Variants in ADAP2 observed in about 807,000 individuals in gnomAD.
The protein encoded by ADAP2 is arf-GAP with dual PH domain-containing protein 2.
In ADAP2, 42 loss-of-function variants were observed where a neutral mutation model predicts 54.9. That is an observed-to-expected ratio of 0.77 (90% CI 0.60 to 0.99). The LOEUF is 0.99. ADAP2 is among the 50% of genes least tolerant of loss of function. ADAP2 has a pLI of 0.00. For synonymous variants in ADAP2, 177 were observed against 180.1 expected, an observed-to-expected ratio of 0.98 and a Z score of 0.14; for missense variants, 429 against 480.4, an observed-to-expected ratio of 0.89 and a Z score of 1.00.
intron 9 of ADAP2, among the ~76,000 whole-genome samples, chr17:30,955,985 A>G (rs1362919592): frequency 6.6e-6 from 1 of 152,154 alleles, no homozygotes; most frequent in African/African-American, 2.4e-5. Context: ...GGCCTCAGGC[A>G]ATCCTCTGCC....
intron 7 of ADAP2, among the ~76,000 whole-genome samples, chr17:30,951,112 G>A (rs913808017): frequency 6.6e-6 from 1 of 152,168 alleles, no homozygotes; most frequent in African/African-American, 2.4e-5. Context: ...GCATCCCAGT[G>A]GGGTCTGTGG....
chr17:30,954,917 C>A, intron 9 of ADAP2, among the ~76,000 whole-genome samples: 1 of 152,094 alleles, frequency 6.6e-6, no homozygotes, highest in East Asian at 1.9e-4. Flanking sequence ...TGGTCTCAGC[C>A]CTGCCACTTG....
Position 30,921,974 on chromosome 17 carries a change from C to A in ADAP2, c.-41C>A, listed in dbSNP as rs748687969. 259 of 1,209,714 alleles carry A rather than the reference C, an allele frequency of 2.1e-4. 1 individual carries two copies. Among genetic ancestry groups the A allele is most frequent in the Non-Finnish European group, 1.7e-4 (167 of 970,126 alleles). 74.9% of individuals were successfully genotyped at this position (1,209,714 alleles called of 1,614,324 possible). A position where few individuals can be genotyped will look rare whatever the true frequency, so the allele number is the denominator to read the frequency against. ...CTCTCCACCTGCCGGGCGGAGCGCACGGGCCATGGGCTGAGCCCCGCTGAG... is the reference window on the plus strand; with the variant it reads ...CTCTCCACCTGCCGGGCGGAGCGCAAGGGCCATGGGCTGAGCCCCGCTGAG... On this transcript the variant is annotated 5_prime_UTR_variant, in exon 1 of 11. Coordinates refer to ENST00000330889, the MANE Select transcript of ADAP2 (RefSeq NM_018404.3).
intron 5 of ADAP2, among the ~76,000 whole-genome samples, chr17:30,934,885 T>G (rs1390854407): frequency 6.6e-6 from 1 of 151,330 alleles, no homozygotes; most frequent in East Asian, 2.0e-4. Context: ...AATACAAAAA[T>G]TAGCTGGGTC....
Position 30,956,450 on chromosome 17 carries a change from G to A in ADAP2, c.1092G>A (p.Leu364=), listed in dbSNP as rs1905080114. Residue 364 remains leucine (L), a synonymous_variant, in exon 10 of 11, where the codon TTG becomes TTA. Transcript: ENST00000330889. ...TGCGGGGTGTCCTGTCCAGCCCCTT[G>A]ACGCCCCTCAACCGGCTTAGTAAGA... ...ESLRGVLSSP[L]TPLNRLTAST... 1 of 1,614,090 alleles carries A rather than the reference G, an allele frequency of 6.2e-7. No individual in the cohort carries two copies. The highest frequency in any genetic ancestry group is 1.1e-5 in the South Asian group (1 of 91,088).
chr17:30,939,675 G>A (rs1325192259), intron 5 of ADAP2, among the ~76,000 whole-genome samples: 1 of 151,604 alleles, frequency 6.6e-6, no homozygotes, highest in Non-Finnish European at 1.5e-5. Context: ...GGAGGCTGAG[G>A]CAGGAGAATG....
chr17:30,943,977 GGTCAGGA>G (rs1310604879), intron 5 of ADAP2, among the ~76,000 whole-genome samples: 1 of 152,092 alleles, frequency 6.6e-6, no homozygotes, highest in African/African-American at 2.4e-5. Context: ...GATCACCTGA[GGTCAGGA>G]GTTTGAGACC....
At chr17:30,937,405 A>G (rs1911970664) in intron 5 of ADAP2, among the ~76,000 whole-genome samples, 2 of 151,872 alleles carry the variant, frequency 1.3e-5, no homozygotes, top group African/African-American at 4.8e-5. Flanking sequence ...TATTTTTAGT[A>G]GAGACAGGGT....
intron 3 of ADAP2, among the ~76,000 whole-genome samples, chr17:30,931,502 G>C (rs1911480014): frequency 6.6e-6 from 1 of 152,172 alleles, no homozygotes; most frequent in Non-Finnish European, 1.5e-5. Flanking sequence ...AGGCACTGCT[G>C]TGATGTTCCC....
At chr17:30,946,398 T>C (rs535115276) in intron 6 of ADAP2, among the ~76,000 whole-genome samples, 9 of 152,156 alleles carry the variant, frequency 5.9e-5, no homozygotes, top group Admixed American at 5.2e-4. Flanking sequence ...TTTGTATTTT[T>C]AGTAGACACA....
At chr17:30,954,225 C>T in intron 8 of ADAP2, 1 of 377,302 alleles carries the variant, frequency 2.7e-6, no homozygotes, top group Non-Finnish European at 4.9e-6. Flanking sequence ...GAAGGTGCCT[C>T]TTCCAAGTTG....
intron 1 of ADAP2, 63 bp downstream of exon 1, chr17:30,922,171 C>T (rs1910661424): frequency 3.5e-6 from 4 of 1,146,658 alleles, no homozygotes; most frequent in Non-Finnish European, 4.4e-6. Flanking sequence ...CACCCGACTC[C>T]TCCCCTCGGC....
chr17:30,942,190 C>T (rs180947411), intron 5 of ADAP2, among the ~76,000 whole-genome samples: 4 of 152,284 alleles, frequency 2.6e-5, no homozygotes, highest in African/African-American at 9.6e-5. Flanking sequence ...AGGTGTGAGC[C>T]ACAGTGCCCG....
intron 2 of ADAP2, among the ~76,000 whole-genome samples, chr17:30,924,785 G>A (rs933994540): frequency 6.6e-6 from 1 of 152,130 alleles, no homozygotes; most frequent in African/African-American, 2.4e-5. Context: ...GTGGGAGAAA[G>A]GCTGGAAACC....
At chr17:30,955,533 C>G (rs1304252920) in intron 9 of ADAP2, among the ~76,000 whole-genome samples, 2 of 151,848 alleles carry the variant, frequency 1.3e-5, no homozygotes, top group Admixed American at 1.3e-4. Flanking sequence ...ATGGTGAAAC[C>G]CTGTCTCTAC....
At chr17:30,932,114 A>G (rs1175068590) in intron 4 of ADAP2, 146 bp downstream of exon 4, 2 of 665,186 alleles carry the variant, frequency 3.0e-6, no homozygotes, top group Admixed American at 2.9e-5. Context: ...GGTTCTTCTG[A>G]CTTTGAAATA....
chr17:30,925,477 T>C (rs760452703), intron 2 of ADAP2, among the ~76,000 whole-genome samples: 35 of 151,810 alleles, frequency 2.3e-4, no homozygotes, highest in Non-Finnish European at 4.0e-4. Context: ...AGGTGTGAGC[T>C]ACAGCGCCCA....
At chr17:30,932,230 CTTT>C (rs769096794) in intron 4 of ADAP2, among the ~76,000 whole-genome samples, 5 of 118,904 alleles carry the variant, frequency 4.2e-5, no homozygotes, top group Non-Finnish European at 5.2e-5. Flanking sequence ...TGTACAGACT[CTTT>C]TTTTTTTTTT....
rs952256073 is a variant in ADAP2 at position 30,935,754 on chromosome 17, C to G, written c.510+1457C>G. Among the ~76,000 whole-genome samples the G allele has an allele frequency of 7.2e-5, 11 of 152,212 alleles. 1 individual carries two copies. Among genetic ancestry groups the G allele is most frequent in the Admixed American group, 7.2e-4 (11 of 15,280 alleles). Reference sequence around the variant, plus strand: ...AACGACTTAACCATAAGCTGCAACCCTGGCCCTGAGCTAGAAGTGTGTTTG... The same window carrying G: ...AACGACTTAACCATAAGCTGCAACCGTGGCCCTGAGCTAGAAGTGTGTTTG... On this transcript the variant is annotated intron_variant, in intron 5 of 10. Coordinates refer to ENST00000330889, the MANE Select transcript of ADAP2 (RefSeq NM_018404.3).
Sources: allele counts gnomAD v4.1 joint callset (sites outside exome capture counted in the v4.1 genomes callset), GRCh38; gene constraint gnomAD v4.1.1; transcripts MANE v1.5; gene names NCBI Gene and HGNC (gene_info 2026-07-23, HGNC 2026-07-21).